The following LONP2 variants were observed in gnomAD, a reference collection of about 807,000 sequenced individuals.
LONP2 encodes lon protease homolog 2, peroxisomal.
A neutral mutation model predicts 85.6 loss-of-function variants in LONP2; 60 were observed. That is an observed-to-expected ratio of 0.70 (90% CI 0.57 to 0.87). The LOEUF (loss-of-function observed/expected upper bound fraction) is 0.87, where lower values mean the gene tolerates loss of function less well. LONP2 is among the 40% of genes least tolerant of loss of function. The probability of loss-of-function intolerance (pLI) is 0.00; values close to 1 mark genes in which losing one functional copy is unlikely to be tolerated. For synonymous variants in LONP2, 395 were observed against 389.7 expected (o/e 1.01, Z -0.16); for missense variants, 860 against 1,063.5 (o/e 0.81, Z 2.66).
chr16:48,334,954 A>G (rs2151025193), intron 12 of LONP2: 1 of 294,198 alleles, frequency 3.4e-6, no homozygotes, highest in Non-Finnish European at 6.8e-6. Context: ...GTAAAATTGG[A>G]TGTTTCCAGA....
At chr16:48,349,023 A>G (rs1389806804) in intron 14 of LONP2, among the ~76,000 whole-genome samples, 1 of 152,172 alleles carries the variant, frequency 6.6e-6, no homozygotes, top group African/African-American at 2.4e-5. Flanking sequence ...CTAGTATAGA[A>G]TGGAAACTCT....
At chr16:48,261,372 C>T (rs1199716326) in intron 4 of LONP2, 52 bp from the exon 5 acceptor site, 18 of 1,388,600 alleles carry the variant, frequency 1.3e-5, no homozygotes, top group Middle Eastern at 2.5e-4. Flanking sequence ...CTGGGTACTT[C>T]GTTTCCAATT....
chr16:48,335,854 A>C (rs1220134923), intron 12 of LONP2, among the ~76,000 whole-genome samples: 1 of 152,240 alleles, frequency 6.6e-6, no homozygotes, highest in Non-Finnish European at 1.5e-5. Flanking sequence ...GAACAATAGA[A>C]TCAGAAGCAT....
At chr16:48,331,742 T>G (rs944275676) in intron 11 of LONP2, among the ~76,000 whole-genome samples, 6 of 152,118 alleles carry the variant, frequency 3.9e-5, no homozygotes, top group African/African-American at 1.4e-4. Context: ...TTTTTTGTAT[T>G]TTTAGTAGAG....
rs1971206537 is a variant in LONP2 at position 48,244,344 on chromosome 16, C to G, written c.-45C>G. 1 of 1,400,716 alleles carries G rather than the reference C, an allele frequency of 7.1e-7. No individual in the cohort carries two copies. The highest frequency in any genetic ancestry group is 9.5e-7 in the Non-Finnish European group (1 of 1,052,336). The allele number at this position is 1,400,716 out of a possible 1,614,324, so 86.8% of individuals were successfully genotyped here. ...TGCGGGGCAGGCCGGGGGCAGCTGT[C>G]TGTCTGGCTCTTTTTGACAGCCCCC... On this transcript the variant is annotated 5_prime_UTR_variant, in exon 1 of 15. Transcript: ENST00000285737.
chr16:48,346,615 ACTTTT>A (rs1438503238), intron 12 of LONP2, among the ~76,000 whole-genome samples: 3 of 152,014 alleles, frequency 2.0e-5, no homozygotes, highest in African/African-American at 4.8e-5. Context: ...AACCCTTCTC[ACTTTT>A]CTTTTCAAAA....
chr16:48,358,679 A>G (rs549935661), downstream of LONP2, among the ~76,000 whole-genome samples: 4 of 152,184 alleles, frequency 2.6e-5, no homozygotes, highest in East Asian at 7.8e-4. Flanking sequence ...TAATTAGCCA[A>G]GCATGATGCC....
At chr16:48,305,353 C>G (rs1027377551) in intron 11 of LONP2, among the ~76,000 whole-genome samples, 12 of 152,190 alleles carry the variant, frequency 7.9e-5, no homozygotes, top group Non-Finnish European at 1.5e-4. Context: ...CTCCGAGGTT[C>G]AAGTGATTCT....
chr16:48,270,699 G>A (rs1972085213), intron 7 of LONP2, among the ~76,000 whole-genome samples: 1 of 152,144 alleles, frequency 6.6e-6, no homozygotes, highest in Non-Finnish European at 1.5e-5. Context: ...TGTTCTGATT[G>A]CAGTCTAAAC....
intron 6 of LONP2, among the ~76,000 whole-genome samples, chr16:48,263,577 T>C (rs1210599208): frequency 6.6e-6 from 1 of 152,272 alleles, no homozygotes; most frequent in African/African-American, 2.4e-5. Context: ...TGTGTGTCTA[T>C]ACCACATTTT....
At chr16:48,328,446 G>A (rs527526034) in intron 11 of LONP2, among the ~76,000 whole-genome samples, 2 of 151,880 alleles carry the variant, frequency 1.3e-5, no homozygotes, top group Admixed American at 6.6e-5. Context: ...TTGAGAGGCC[G>A]TGGCGGGTGG....
chr16:48,269,722 A>T (rs1972063088), intron 6 of LONP2, among the ~76,000 whole-genome samples: 1 of 152,210 alleles, frequency 6.6e-6, no homozygotes, highest in Non-Finnish European at 1.5e-5. Flanking sequence ...GCCAGCACAC[A>T]TACAATATGT....
intron 7 of LONP2, 35 bp downstream of exon 7, chr16:48,270,309 T>G (rs1376331707): frequency 2.5e-6 from 4 of 1,604,698 alleles, no homozygotes; most frequent in Admixed American, 1.7e-5. Flanking sequence ...CTCTGATTCC[T>G]CTTTCTTTTT....
rs934174860 is a variant in LONP2 at position 48,270,374 on chromosome 16, A to C, written c.1241+100A>C. 2.3e-6 allele frequency: 3 copies of C among 1,287,872 alleles called. No homozygotes were observed. The Admixed American group carries it at 6.1e-5, about 26-fold the overall frequency. 79.8% of individuals were successfully genotyped at this position (1,287,872 alleles called of 1,614,324 possible). ...CATAGCATACATCTATTTTCCTTAA[A>C]GGGCTATGTGTGGTACCTTGAATGA... On this transcript the variant is annotated intron_variant, in intron 7 of 14. Transcript: ENST00000285737.
rs776904998 is a variant in LONP2, at chr16:48,269,984, G to A, written c.983-32G>A. On this transcript the variant is annotated intron_variant, in intron 6 of 14. Transcript: ENST00000285737. ...GTTCTTTAACTTAAAAATTTTATGT[G>A]TTCTAATTATTTCTGTTGGGTTATT... 8.2e-6 allele frequency: 13 copies of A among 1,585,866 alleles called. No homozygotes were observed. The South Asian group carries it at 1.5e-4, about 18-fold the overall frequency.
At chr16:48,324,385 C>G (rs1159222931) in intron 11 of LONP2, among the ~76,000 whole-genome samples, 1 of 152,122 alleles carries the variant, frequency 6.6e-6, no homozygotes, top group African/African-American at 2.4e-5. Flanking sequence ...ACACATAACC[C>G]CTCTGCCATG....
At chr16:48,338,840 G>A (rs1191859018) in intron 12 of LONP2, among the ~76,000 whole-genome samples, 2 of 152,058 alleles carry the variant, frequency 1.3e-5, no homozygotes, top group African/African-American at 4.8e-5. Context: ...CCTGGGAGAC[G>A]GAGGTTGCAA....
chr16:48,324,640 G>C (rs1223739803), intron 11 of LONP2, among the ~76,000 whole-genome samples: 1 of 152,132 alleles, frequency 6.6e-6, no homozygotes, highest in Non-Finnish European at 1.5e-5. Context: ...CACAGATGTT[G>C]ATAAAATTTA....
intron 11 of LONP2, among the ~76,000 whole-genome samples, chr16:48,311,973 C>A (rs1019100488): frequency 6.6e-6 from 1 of 151,528 alleles, no homozygotes; most frequent in African/African-American, 2.4e-5. Flanking sequence ...CAGAGTTTTA[C>A]CCTGTCACCC....
Sources: allele counts gnomAD v4.1 joint callset (sites outside exome capture counted in the v4.1 genomes callset), GRCh38; gene constraint gnomAD v4.1.1; transcripts MANE v1.5; gene names NCBI Gene and HGNC (gene_info 2026-07-23, HGNC 2026-07-21).